The following COA4 variants were observed in gnomAD, a reference collection of about 807,000 sequenced individuals.
COA4 encodes cytochrome c oxidase assembly factor 4 homolog.
Under a neutral mutation model 7.3 loss-of-function variants are expected in COA4, and 8 were observed. That is an observed-to-expected ratio of 1.10 (90% CI 0.64 to 1.98). The LOEUF (loss-of-function observed/expected upper bound fraction) is 1.98, where lower values mean the gene tolerates loss of function less well. Ranked by LOEUF, COA4 falls within the 30% of genes most tolerant of loss-of-function variation. The pLI is 0.00. For synonymous variants in COA4, 42 were observed against 44.3 expected, an observed-to-expected ratio of 0.95 and a Z score of 0.21; for missense variants, 96 against 111.2, an observed-to-expected ratio of 0.86 and a Z score of 0.62.
intron 1 of COA4, among the ~76,000 whole-genome samples, chr11:73,875,606 G>A (rs1376003518): frequency 6.6e-6 from 1 of 152,012 alleles, no homozygotes; most frequent in Non-Finnish European, 1.5e-5. Context: ...GCCAGAGATG[G>A]GAAAACTATT....
chr11:73,876,679 C>T (rs974425036), intron 1 of COA4, 78 bp downstream of exon 1: 2 of 221,294 alleles, frequency 9.0e-6, no homozygotes, highest in Non-Finnish European at 1.8e-5. Context: ...TTTGAGGACG[C>T]ATGCGCGCGC....
In COA4 at chr11:73,876,762, A is replaced by G; in HGVS notation, c.-22T>C. The G allele has an allele frequency of 2.8e-6, 1 of 351,916 alleles. No individual in the cohort carries two copies. The highest frequency in any genetic ancestry group is 1.2e-4 in the South Asian group (1 of 8,438). The allele number at this position is 351,916 out of a possible 1,614,324, so 21.8% of individuals were successfully genotyped here. On this transcript the variant is annotated 5_prime_UTR_variant, in exon 1 of 2. Transcript: ENST00000355693. The stretch of plus-strand genomic sequence containing the variant: ...ACGCGGTACGCGATGCTCACCGAAC[A>G]GGTGGGAGAAGAGGGCCCGAACGCA...
rs763226957 is a variant in COA4, at chr11:73,873,097, G to A, written c.*18C>T. On this transcript the variant is annotated 3_prime_UTR_variant, in exon 2 of 2. Transcript: ENST00000355693. ...GGTCTTGGCAGGGCCATCTACTGGG[G>A]ATAGGTGGTTTGGGGTCTCAGTGGT... 2 of 1,586,156 alleles carry A rather than the reference G, an allele frequency of 1.3e-6. No homozygotes were observed. Among genetic ancestry groups the A allele is most frequent in the Admixed American group, 3.4e-5 (2 of 57,978 alleles).
Position 73,873,256 on chromosome 11 carries a change from C to A in COA4, c.123G>T (p.Val41=), listed in dbSNP as rs781044734. The A allele has an allele frequency of 2.5e-6, 4 of 1,614,270 alleles. No individual in the cohort carries two copies. Among genetic ancestry groups the A allele is most frequent in the Non-Finnish European group, 3.4e-6 (4 of 1,180,056 alleles). ...RSGCAASHFA[V]QECMAQHQDW... ...CCTGGTGCTGGGCCATGCACTCCTG[C>A]ACTGCAAAGTGGGAGGCAGCACAGC... is the stretch of plus-strand genomic sequence containing the variant. Residue 41 remains valine, a synonymous_variant, in exon 2 of 2, where the codon GTG becomes GTT. Coordinates refer to ENST00000355693, the MANE Select transcript of COA4 (RefSeq NM_016565.3).
At position 73,872,847 on chromosome 11, in the gene COA4, G is replaced by A. The variant is rs945905158; in HGVS notation, c.*268C>T. 1 of 445,100 alleles carries A rather than the reference G, an allele frequency of 2.2e-6. No individual in the cohort carries two copies. Among genetic ancestry groups the A allele is most frequent in the African/African-American group, 1.9e-5 (1 of 51,312 alleles). The allele number at this position is 445,100 out of a possible 1,614,324, so 27.6% of individuals were successfully genotyped here. A position where few individuals can be genotyped will look rare whatever the true frequency, so the allele number is the denominator to read the frequency against. On this transcript the variant is annotated 3_prime_UTR_variant, in exon 2 of 2. Coordinates refer to ENST00000355693, the MANE Select transcript of COA4 (RefSeq NM_016565.3). ...TACTTGGCACACTGACTTAAGATGT[G>A]GGGTGGGGGAGCATCCCTTAACACA...
At chr11:73,875,370 G>GCC (rs2135108375) in intron 1 of COA4, among the ~76,000 whole-genome samples, 1 of 152,310 alleles carries the variant, frequency 6.6e-6, no homozygotes, top group Admixed American at 6.5e-5. Flanking sequence ...CAGGCACTAT[G>GCC]CTAGTGCTGA....
At chr11:73,873,624 C>G (rs577208606) in intron 1 of COA4, 4 of 559,008 alleles carry the variant, frequency 7.2e-6, no homozygotes, top group Admixed American at 3.5e-5. Flanking sequence ...AATCCTTCCC[C>G]CTCAGTCCCT....
Position 73,874,656 on chromosome 11 carries a change from T to A in COA4, c.-16-1262A>T, listed in dbSNP as rs1160269298. Among the ~76,000 whole-genome samples, 3 of 151,896 alleles carry A rather than the reference T, an allele frequency of 2.0e-5. No homozygotes were observed. In the East Asian group the frequency reaches 5.8e-4, roughly 29 times the overall value. On this transcript the variant is annotated intron_variant, in intron 1 of 1. Coordinates refer to ENST00000355693, the MANE Select transcript of COA4 (RefSeq NM_016565.3). ...CAAATAAATAACCTTTCTTCTTTTA[T>A]CCTACTAGCCTTATTCTATGCTGAA...
At chr11:73,873,495 C>T in intron 1 of COA4, 101 bp from the exon 2 acceptor site, 2 of 996,778 alleles carry the variant, frequency 2.0e-6, no homozygotes. Flanking sequence ...TTTAATGTGT[C>T]TGTCTCCCGT....
chr11:73,875,769 A>T (rs1383305788), intron 1 of COA4: 7 of 152,244 alleles, frequency 4.6e-5, no homozygotes, highest in African/African-American at 1.7e-4. Flanking sequence ...TTTGTAGGAC[A>T]TAGTAGGGAG....
chr11:73,876,229 A>G (rs983171431), intron 1 of COA4: 2 of 152,154 alleles, frequency 1.3e-5, no homozygotes, highest in African/African-American at 2.4e-5. Flanking sequence ...ATACACTGTT[A>G]ACTCTTTAAA....
In COA4 at chr11:73,872,933, C is replaced by A; in HGVS notation, c.*182G>T. On this transcript the variant is annotated 3_prime_UTR_variant, in exon 2 of 2. Transcript: ENST00000355693. ...ACAGCTGAGAATGTATGACATCTGACCATGAACATATGACAGCTGTTTGTG... is the reference window on the plus strand; with the variant it reads ...ACAGCTGAGAATGTATGACATCTGAACATGAACATATGACAGCTGTTTGTG... 3.0e-6 allele frequency: 2 copies of A among 671,218 alleles called. No homozygotes were observed. The highest frequency in any genetic ancestry group is 2.0e-5 in the South Asian group (1 of 49,936). 41.6% of individuals were successfully genotyped at this position (671,218 alleles called of 1,614,324 possible).
chr11:73,875,317 G>A (rs2135108292), intron 1 of COA4, among the ~76,000 whole-genome samples: 2 of 152,300 alleles, frequency 1.3e-5, no homozygotes, highest in South Asian at 4.1e-4. Flanking sequence ...CCTTAACTGT[G>A]TCTCTCATTC....
chr11:73,876,343 T>C (rs1490987865), intron 1 of COA4: 1 of 152,180 alleles, frequency 6.6e-6, no homozygotes, highest in East Asian at 1.9e-4. Flanking sequence ...CGCCTTACTA[T>C]GTAATCTTTT....
At chr11:73,876,655 C>A (rs1313451209) in intron 1 of COA4, 102 bp downstream of exon 1, 1 of 189,232 alleles carries the variant, frequency 5.3e-6, no homozygotes, top group East Asian at 1.2e-4. Context: ...TCAGGCGTAT[C>A]GAGGACTTTG....
rs750967608 is a variant in COA4 at position 73,873,322 on chromosome 11, A to G, written c.57T>C (p.Asp19=). The part of the protein sequence containing the change: ...HTWTQRVKKD[D]EEEDPLDQLI... ...GCTGGTCCAGCGGGTCCTCCTCCTC[A>G]TCGTCTTTCTTCACCCGTTGGGTCC... Residue 19 remains aspartate (D), a synonymous_variant, in exon 2 of 2, where the codon GAT becomes GAC. Transcript: ENST00000355693. The G allele has an allele frequency of 6.2e-7, 1 of 1,614,198 alleles. No homozygotes were observed. Among genetic ancestry groups the G allele is most frequent in the Non-Finnish European group, 8.5e-7 (1 of 1,180,030 alleles).
At position 73,873,319 on chromosome 11, in the gene COA4, C is replaced by T. The variant is rs2135105710; in HGVS notation, c.60G>A (p.Glu20=). ...TCAGCTGGTCCAGCGGGTCCTCCTC[C>T]TCATCGTCTTTCTTCACCCGTTGGG... The part of the protein sequence containing the change: ...TWTQRVKKDD[E]EEDPLDQLIS... The change falls in exon 2 of 2, where the codon GAG becomes GAA. Residue 20 remains glutamate, a synonymous_variant. Transcript: ENST00000355693. 6.2e-7 allele frequency: 1 copy of T among 1,614,256 alleles called. No individual in the cohort carries two copies. The highest frequency in any genetic ancestry group is 8.5e-7 in the Non-Finnish European group (1 of 1,180,048).
intron 1 of COA4, 160 bp downstream of exon 1, chr11:73,876,597 A>G: frequency 6.4e-6 from 1 of 155,634 alleles, no homozygotes; most frequent in Non-Finnish European, 1.4e-5. Flanking sequence ...AGTCATGGAA[A>G]GGATCTTAAA....
chr11:73,876,354 T>C (rs1948746409), intron 1 of COA4: 1 of 152,188 alleles, frequency 6.6e-6, no homozygotes, highest in Non-Finnish European at 1.5e-5. Context: ...GTAATCTTTT[T>C]CATTTTAGTT....
Sources: allele counts gnomAD v4.1 joint callset (sites outside exome capture counted in the v4.1 genomes callset), GRCh38; gene constraint gnomAD v4.1.1; transcripts MANE v1.5; gene names NCBI Gene and HGNC (gene_info 2026-07-23, HGNC 2026-07-21).